SOX6: variants seen among roughly 807,000 people sequenced by gnomAD.
SOX6 encodes the protein SRY-box transcription factor 6.
In SOX6, 11 loss-of-function variants were observed where a neutral mutation model predicts 97.8. The ratio of observed to expected loss-of-function variants is 0.11; its 90% CI spans 0.07 to 0.19. The LOEUF is 0.19. SOX6 is among the 10% of genes least tolerant of loss of function. SOX6 has a pLI of 1.00. For missense variants in SOX6, 810 were observed against 1,039.5 expected (o/e 0.78, Z 3.04); for synonymous variants, 360 against 371.4 (o/e 0.97, Z 0.35).
At chr11:15,990,010 A>G (rs996660219) in intron 13 of SOX6, among the ~76,000 whole-genome samples, 2 of 152,156 alleles carry the variant, frequency 1.3e-5, no homozygotes, top group Admixed American at 6.5e-5. Flanking sequence ...GGAATCAACA[A>G]GTGAGTGGGA....
At chr11:16,738,138 G>C (rs1166238288) in intron 1 of SOX6, among the ~76,000 whole-genome samples, 2 of 152,006 alleles carry the variant, frequency 1.3e-5, no homozygotes, top group African/African-American at 2.4e-5. Flanking sequence ...TGGGAAAACA[G>C]CGAAATATTC....
intron 4 of SOX6, among the ~76,000 whole-genome samples, chr11:16,226,228 C>A (rs895441142): frequency 6.6e-6 from 1 of 151,556 alleles, no homozygotes; most frequent in African/African-American, 2.4e-5. Flanking sequence ...TACCTTGATC[C>A]CTAAATGTAA....
intron 3 of SOX6, chr11:16,317,096 T>C (rs1424526685): frequency 6.6e-6 from 1 of 151,880 alleles, no homozygotes; most frequent in Non-Finnish European, 1.5e-5. Flanking sequence ...AAAAAATACA[T>C]ATATACAAAA....
rs187136518 is a variant in SOX6 at position 16,497,887 on chromosome 11, C to A, written n.610-21499G>T. Among the ~76,000 whole-genome samples the A allele has an allele frequency of 7.4e-3, 1,126 of 152,318 alleles. 13 individuals are homozygous for A. Among genetic ancestry groups the A allele is most frequent in the African/African-American group, 0.024 (995 of 41,566 alleles). On this transcript the variant is annotated intron_variant and non_coding_transcript_variant, in intron 4 of 5. Coordinates refer to the SOX6 transcript ENST00000524520. ...GGGAGAAGGGAACCAAGTTGGAAAACACTCTGCAGGATATTATCCAGGAGA... is the reference window on the plus strand; with the variant it reads ...GGGAGAAGGGAACCAAGTTGGAAAAAACTCTGCAGGATATTATCCAGGAGA...
chr11:16,522,119 A>T (rs987972831), intron 4 of SOX6, among the ~76,000 whole-genome samples: 1 of 152,182 alleles, frequency 6.6e-6, no homozygotes, highest in African/African-American at 2.4e-5. Context: ...ACATTCAGGA[A>T]ATACAGAGAA....
intron 15 of SOX6, among the ~76,000 whole-genome samples, chr11:15,984,618 G>A (rs1590108521): frequency 2.0e-5 from 3 of 152,142 alleles, no homozygotes; most frequent in Admixed American, 1.3e-4. Flanking sequence ...CCTTTTTAGC[G>A]TTAAACGCAT....
chr11:16,342,869 TATA>T (rs1444418390), intron 1 of SOX6, among the ~76,000 whole-genome samples: 3 of 151,896 alleles, frequency 2.0e-5, no homozygotes, highest in Non-Finnish European at 4.4e-5. Flanking sequence ...GATACCAATT[TATA>T]ATAATCATTC....
At chr11:16,335,881 T>C (rs898832754) in intron 2 of SOX6, among the ~76,000 whole-genome samples, 1 of 152,176 alleles carries the variant, frequency 6.6e-6, no homozygotes, top group African/African-American at 2.4e-5. Context: ...CCAATAGTTA[T>C]TTATTAAATA....
intron 1 of SOX6, among the ~76,000 whole-genome samples, chr11:16,446,626 G>T (rs1859617480): frequency 2.0e-5 from 3 of 152,022 alleles, no homozygotes; most frequent in African/African-American, 7.2e-5. Flanking sequence ...AACCAGGCGT[G>T]ATGGTCATTT....
At position 16,450,825 on chromosome 11, in the gene SOX6, C is replaced by A. The variant is rs528234360; in HGVS notation, c.-5+25490G>T. ...ATTGCTATAGAAAGGCATAAATGTT[C>A]ACCAATAAAGCTAGGATCCAAAGCA... On this transcript the variant is annotated intron_variant, in intron 1 of 15. Transcript: ENST00000396356. Among the ~76,000 whole-genome samples, 5 of 152,226 alleles carry A rather than the reference C, an allele frequency of 3.3e-5. No homozygotes were observed. The South Asian group carries it at 1.0e-3, about 32-fold the overall frequency.
intron 6 of SOX6, among the ~76,000 whole-genome samples, chr11:16,137,409 G>C (rs367831031): frequency 2.6e-5 from 4 of 152,184 alleles, no homozygotes; most frequent in South Asian, 2.1e-4. Context: ...CTGGGCAACA[G>C]AGTAAGACTC....
rs1461037089 is a variant in SOX6 at position 16,613,575 on chromosome 11, TC to T, written n.430-1316del. On this transcript the variant is annotated intron_variant and non_coding_transcript_variant, in intron 3 of 5. Transcript: ENST00000524520. This position sits in a 1 kb window ranked among gnomAD's most constrained non-coding sequence, Gnocchi z 4.6. ...TCCCAAACGGGTTCGGCCAAGGGTT[TC>T]CACCCCATCACCACTTCCCGCTGCC... Among the ~76,000 whole-genome samples, 1 of 151,862 alleles carries T rather than the reference TC, an allele frequency of 6.6e-6. No homozygotes were observed. The highest frequency in any genetic ancestry group is 1.5e-5 in the Non-Finnish European group (1 of 67,954).
intron 1 of SOX6, among the ~76,000 whole-genome samples, chr11:16,404,646 G>C (rs567359957): frequency 6.6e-6 from 1 of 151,978 alleles, no homozygotes; most frequent in South Asian, 2.1e-4. Context: ...ATGAAAATTT[G>C]ACAGGTATGT....
chr11:16,441,118 C>T (rs1262117219), intron 1 of SOX6, among the ~76,000 whole-genome samples: 1 of 152,044 alleles, frequency 6.6e-6, no homozygotes, highest in Non-Finnish European at 1.5e-5. Context: ...CTTCCTGCTG[C>T]CCTCTCTTCC....
At chr11:16,276,623 G>A (rs771775945) in intron 3 of SOX6, among the ~76,000 whole-genome samples, 8 of 152,130 alleles carry the variant, frequency 5.3e-5, no homozygotes, top group African/African-American at 1.4e-4. Context: ...GGCCTGCTGC[G>A]ACCATCTTAT....
chr11:16,181,785 T>A lies in SOX6; in HGVS notation c.777+2101A>T, dbSNP rs545641043. 4.0e-5 allele frequency among the ~76,000 whole-genome samples: 6 copies of A among 151,850 alleles called. No individual in the cohort carries two copies. The East Asian group carries it at 5.8e-4, about 15-fold the overall frequency. On this transcript the variant is annotated intron_variant, in intron 6 of 15. Coordinates refer to ENST00000683767, the MANE Select transcript of SOX6 (RefSeq NM_001367873.1). The stretch of plus-strand genomic sequence containing the variant: ...GGTCTTATTGCTTTCTCTTATTTTT[T>A]AAAAAATTTGAGTTCTTATTACAAA...
chr11:16,063,110 T>C (rs1309731033), intron 9 of SOX6, among the ~76,000 whole-genome samples: 95 of 151,790 alleles, frequency 6.3e-4, no homozygotes, highest in Non-Finnish European at 1.2e-4. Flanking sequence ...CTTAAATAAA[T>C]TGAATTAAGA....
At chr11:16,104,527 CA>C (rs1849026642) in intron 7 of SOX6, among the ~76,000 whole-genome samples, 1 of 151,764 alleles carries the variant, frequency 6.6e-6, no homozygotes, top group African/African-American at 2.4e-5. Context: ...TTTAATAAAG[CA>C]GAGATGATAC....
chr11:16,583,429 T>A (rs539557254), intron 4 of SOX6, among the ~76,000 whole-genome samples: 1 of 151,126 alleles, frequency 6.6e-6, no homozygotes, highest in African/African-American at 2.4e-5. Context: ...ACCTCTCCTA[T>A]CCCCTCTGCT....
Sources: gnomAD v4.1 joint callset for allele counts (sites outside exome capture counted in the v4.1 genomes callset) on GRCh38, gnomAD v4.1.1 for gene constraint, Gnocchi (gnomAD v3.1) non-coding constraint, MANE v1.5 for transcripts, NCBI Gene and HGNC (gene_info 2026-07-23, HGNC 2026-07-21) for gene names.